Variants in CNBD1 observed in about 807,000 individuals in gnomAD.
CNBD1 encodes the protein cyclic nucleotide binding domain containing 1.
CNBD1 carries 71 observed loss-of-function variants against 54.4 expected under a neutral mutation model. The ratio of observed to expected loss-of-function variants is 1.30; its 90% CI spans 1.08 to 1.59. The LOEUF is 1.59. CNBD1 is among the 40% of genes most tolerant of loss of function. CNBD1 has a pLI of 0.00. For missense variants in CNBD1, 659 were observed against 518.0 expected, an observed-to-expected ratio of 1.27 and a Z score of -2.64; for synonymous variants, 182 against 170.7, an observed-to-expected ratio of 1.07 and a Z score of -0.51.
In CNBD1 at chr8:87,182,219, C is replaced by T. The variant is rs1813366600; in HGVS notation, c.432-23774C>T. 1.3e-5 allele frequency among the ~76,000 whole-genome samples: 2 copies of T among 152,118 alleles called. No homozygotes were observed. The highest frequency in any genetic ancestry group is 4.8e-5 in the African/African-American group (2 of 41,430). On this transcript the variant is annotated intron_variant, in intron 4 of 10. Transcript: ENST00000518476. The surrounding 1 kb of genome is among the most constrained non-coding windows in gnomAD (Gnocchi z 4.1). ...CCTATATCCATGTTACTGCAAAGGA[C>T]ATGATCTCATTCTTTTTTATGGCTG...
chr8:87,346,273 T>A (rs112844392), intron 8 of CNBD1, among the ~76,000 whole-genome samples: 2,834 of 152,178 alleles, frequency 0.019, 89 homozygotes, highest in African/African-American at 0.062. Flanking sequence ...ACTCCCGACC[T>A]CCAGGTGATC....
intron 6 of CNBD1, among the ~76,000 whole-genome samples, chr8:87,242,100 A>T (rs2130830903): frequency 6.6e-6 from 1 of 152,290 alleles, no homozygotes; most frequent in East Asian, 1.9e-4. Context: ...TAATGTTAAA[A>T]CAGAGACCTT....
At chr8:87,313,763 A>C (rs1809323108) in intron 8 of CNBD1, among the ~76,000 whole-genome samples, 1 of 151,992 alleles carries the variant, frequency 6.6e-6, no homozygotes, top group Admixed American at 6.6e-5. Flanking sequence ...AGAAAGATAT[A>C]GAAAATAAGA....
At chr8:86,982,592 A>C (rs1808512650) in intron 4 of CNBD1, among the ~76,000 whole-genome samples, 1 of 152,236 alleles carries the variant, frequency 6.6e-6, no homozygotes, top group South Asian at 2.1e-4. Flanking sequence ...AAATTGATTC[A>C]TAAAAGAACT....
intron 4 of CNBD1, among the ~76,000 whole-genome samples, chr8:86,995,709 T>TGA (rs1808856455): frequency 6.6e-6 from 1 of 150,762 alleles, no homozygotes; most frequent in South Asian, 2.1e-4. Context: ...TGTGTGTGTG[T>TGA]GTGAGAGAGA....
intron 4 of CNBD1, among the ~76,000 whole-genome samples, chr8:87,030,221 T>A (rs973067105): frequency 6.6e-6 from 1 of 152,218 alleles, no homozygotes; most frequent in Non-Finnish European, 1.5e-5. Flanking sequence ...TGTCTCACAA[T>A]GCTTTGCAGT....
At chr8:87,376,425 C>A (rs369493617) in intron 10 of CNBD1, among the ~76,000 whole-genome samples, 2 of 151,876 alleles carry the variant, frequency 1.3e-5, no homozygotes, top group East Asian at 3.9e-4. Flanking sequence ...AATACCGTCA[C>A]ATTGGACGTT....
chr8:86,941,310 G>A (rs1055126543), intron 4 of CNBD1, among the ~76,000 whole-genome samples: 7 of 152,224 alleles, frequency 4.6e-5, no homozygotes, highest in South Asian at 2.1e-4. Context: ...CACTAAATTC[G>A]TTAAAAATAT....
At chr8:87,312,897 T>A (rs1280785388) in intron 8 of CNBD1, among the ~76,000 whole-genome samples, 1 of 152,048 alleles carries the variant, frequency 6.6e-6, no homozygotes, top group African/African-American at 2.4e-5. Flanking sequence ...GATAGAGCTA[T>A]GAGATTTGTA....
intron 4 of CNBD1, among the ~76,000 whole-genome samples, chr8:87,082,325 C>T (rs959465805): frequency 6.6e-6 from 1 of 152,284 alleles, no homozygotes; most frequent in East Asian, 1.9e-4. Context: ...AACTGCCCCA[C>T]CCCTATCTCC....
At chr8:86,879,696 C>CCT (rs1404839604) in intron 1 of CNBD1, among the ~76,000 whole-genome samples, 1 of 151,830 alleles carries the variant, frequency 6.6e-6, no homozygotes, top group Non-Finnish European at 1.5e-5. Flanking sequence ...ATGGTGAAAC[C>CCT]CTCTCTCTAT....
chr8:87,331,677 C>T (rs894139765), intron 8 of CNBD1, among the ~76,000 whole-genome samples: 12 of 152,148 alleles, frequency 7.9e-5, no homozygotes, highest in African/African-American at 2.9e-4. Flanking sequence ...ACATTCCCAC[C>T]AGCAATGTAA....
intron 8 of CNBD1, 86 bp downstream of exon 8, chr8:87,286,757 C>T: frequency 1.1e-6 from 1 of 888,298 alleles, no homozygotes; most frequent in South Asian, 1.7e-5. Context: ...ATATTTTATA[C>T]AATATTTCTT....
intron 4 of CNBD1, among the ~76,000 whole-genome samples, chr8:87,004,489 T>C (rs2130549987): frequency 7.2e-6 from 1 of 139,126 alleles, no homozygotes; most frequent in East Asian, 2.0e-4. Flanking sequence ...ATTATTGCAC[T>C]CACACCCTTA....
At chr8:87,279,969 A>G (rs556196136) in intron 6 of CNBD1, among the ~76,000 whole-genome samples, 21 of 151,566 alleles carry the variant, frequency 1.4e-4, no homozygotes, top group Non-Finnish European at 2.5e-4. Flanking sequence ...TTATCCTGAA[A>G]GATATTTTTT....
At chr8:87,271,782 T>C (rs1270066868) in intron 6 of CNBD1, among the ~76,000 whole-genome samples, 40 of 150,038 alleles carry the variant, frequency 2.7e-4, no homozygotes, top group Admixed American at 2.6e-3. Flanking sequence ...AATAAATTAG[T>C]ATATCAAAGG....
intron 8 of CNBD1, among the ~76,000 whole-genome samples, chr8:87,312,734 T>C (rs1031137050): frequency 6.6e-6 from 1 of 151,968 alleles, no homozygotes; most frequent in South Asian, 2.1e-4. Context: ...AATCTAGCAC[T>C]TTAGAAGACT....
chr8:87,324,316 A>G (rs1425628793), intron 8 of CNBD1, among the ~76,000 whole-genome samples: 1 of 127,410 alleles, frequency 7.8e-6, no homozygotes, highest in Admixed American at 7.6e-5. Context: ...TGCTGGCCTC[A>G]TAAAATGAGT....
chr8:87,228,134 A>G (rs1017602448), intron 5 of CNBD1, among the ~76,000 whole-genome samples: 1 of 150,488 alleles, frequency 6.6e-6, no homozygotes, highest in Non-Finnish European at 1.5e-5. Context: ...TTCTAGTTAT[A>G]CATTCTTCTA....
Sources: gnomAD v4.1 joint callset for allele counts (sites outside exome capture counted in the v4.1 genomes callset) on GRCh38, gnomAD v4.1.1 for gene constraint, Gnocchi (gnomAD v3.1) non-coding constraint, MANE v1.5 for transcripts, NCBI Gene and HGNC (gene_info 2026-07-23, HGNC 2026-07-21) for gene names.